SIN3B: variants seen among roughly 807,000 people sequenced by gnomAD.
SIN3B encodes the protein SIN3 transcription regulator family member B.
A neutral mutation model predicts 120.2 loss-of-function variants in SIN3B; 19 were observed. The observed-to-expected ratio is 0.16, with a 90% confidence interval of 0.11 to 0.23. The LOEUF is 0.23. Among genes scored for constraint, SIN3B ranks in the 10% least tolerant of loss-of-function variants. The pLI, the probability that SIN3B is intolerant of heterozygous loss-of-function variation, is 1.00. For synonymous variants in SIN3B, 654 were observed against 653.2 expected (o/e 1.00, Z -0.02); for missense variants, 1,073 against 1,573.0 (o/e 0.68, Z 5.38).
chr19:16,833,039 C>A (rs1971299455), intron 3 of SIN3B, among the ~76,000 whole-genome samples: 1 of 152,168 alleles, frequency 6.6e-6, no homozygotes, highest in Non-Finnish European at 1.5e-5. Flanking sequence ...GTTCTGACAG[C>A]CAGAAATGTC....
At chr19:16,860,808 T>C (rs1173033807) in intron 8 of SIN3B, among the ~76,000 whole-genome samples, 1 of 151,854 alleles carries the variant, frequency 6.6e-6, no homozygotes, top group African/African-American at 2.4e-5. Flanking sequence ...GGTTTCACCG[T>C]GGTCTCGATC....
At chr19:16,835,322 G>T (rs1290978418) in intron 3 of SIN3B, among the ~76,000 whole-genome samples, 1 of 148,692 alleles carries the variant, frequency 6.7e-6, no homozygotes, top group African/African-American at 2.5e-5. Flanking sequence ...TCTGCCTCCC[G>T]GGTTCAAGTG....
intron 12 of SIN3B, among the ~76,000 whole-genome samples, chr19:16,868,244 C>T (rs990863864): frequency 7.9e-5 from 12 of 152,156 alleles, no homozygotes; most frequent in Admixed American, 5.2e-4. Flanking sequence ...CAGGGCTGAG[C>T]GTGCAGACTC....
At position 16,878,878 on chromosome 19, in the gene SIN3B, C is replaced by T. The variant is rs1442030657; in HGVS notation, c.*151C>T. ...CGCACTCCAGGGCAGGACGCCGCCC[C>T]CGTGGCTCCCGGTCTCCTGTGGGCC... On this transcript the variant is annotated 3_prime_UTR_variant, in exon 19 of 19. Coordinates refer to ENST00000248054, the MANE Select transcript of SIN3B (RefSeq NM_001297595.2). 1 of 721,462 alleles carries T rather than the reference C, an allele frequency of 1.4e-6. No homozygotes were observed. The highest frequency in any genetic ancestry group is 2.2e-6 in the Non-Finnish European group (1 of 447,806). The allele number at this position is 721,462 out of a possible 1,614,324, so 44.7% of individuals were successfully genotyped here. A position where few individuals can be genotyped will look rare whatever the true frequency, so the allele number is the denominator to read the frequency against.
intron 13 of SIN3B, 77 bp from the exon 14 acceptor site, chr19:16,871,152 T>A (rs1292253576): frequency 6.3e-7 from 1 of 1,578,916 alleles, no homozygotes; most frequent in Non-Finnish European, 8.7e-7. Flanking sequence ...TTGTTGGGGC[T>A]CTGTCATGCC....
chr19:16,862,901 TCTC>T lies in SIN3B; in HGVS notation c.1266+344_1266+346del, dbSNP rs1238934092. ...CTGTTTAGCTTGACCATTGGACACT[TCTC>T]CAGGGTTCGTGGACAGACGATTACT... On this transcript the variant is annotated intron_variant, in intron 9 of 18. Coordinates refer to ENST00000248054, the MANE Select transcript of SIN3B (RefSeq NM_001297595.2). This position sits in a 1 kb window ranked among gnomAD's most constrained non-coding sequence, Gnocchi z 4.7. The T allele has an allele frequency of 6.2e-7, 1 of 1,614,140 alleles. No individual in the cohort carries two copies. Among genetic ancestry groups the T allele is most frequent in the Admixed American group, 1.7e-5 (1 of 60,026 alleles).
At position 16,876,915 on chromosome 19, in the gene SIN3B, G is replaced by A. The variant is rs2051615988; in HGVS notation, c.2859+337G>A. The A allele has an allele frequency of 3.7e-6, 1 of 268,162 alleles. No individual in the cohort carries two copies. The highest frequency in any genetic ancestry group is 7.0e-5 in the South Asian group (1 of 14,346). 16.6% of individuals were successfully genotyped at this position (268,162 alleles called of 1,614,324 possible). A position where few individuals can be genotyped will look rare whatever the true frequency, so the allele number is the denominator to read the frequency against. On this transcript the variant is annotated intron_variant, in intron 16 of 18. Transcript: ENST00000248054. The surrounding 1 kb of genome is among the most constrained non-coding windows in gnomAD (Gnocchi z 7.1). ...CCTCTGCACCTCTTGTGTCAGGGCT[G>A]CATCCTGTTCCTAATCCCCAGCAGA...
At position 16,877,601 on chromosome 19, in the gene SIN3B, C is replaced by T; in HGVS notation, c.2916C>T (p.Pro972=). ...YVGTEGASSS[P]TEGFLLKPVF... Reference sequence around the variant, plus strand: ...GGACCGAGGGCGCGTCCAGCTCGCCCACTGAGGGCTTCCTCCTGAAACCTG... The same window carrying T: ...GGACCGAGGGCGCGTCCAGCTCGCCTACTGAGGGCTTCCTCCTGAAACCTG... The change falls in exon 17 of 19, where the codon CCC becomes CCT. Residue 972 remains proline, a synonymous_variant. Coordinates refer to ENST00000248054, the MANE Select transcript of SIN3B (RefSeq NM_001297595.2). The T allele has an allele frequency of 1.9e-6, 3 of 1,612,376 alleles. No homozygotes were observed. The South Asian group carries it at 3.3e-5, about 18-fold the overall frequency.
rs57692775 is a variant in SIN3B, at chr19:16,834,374, G to A, written c.381+2727G>A. Among the ~76,000 whole-genome samples the A allele has an allele frequency of 9.8e-3, 1,493 of 152,290 alleles. 21 individuals carry two copies. The highest frequency in any genetic ancestry group is 0.014 in the Non-Finnish European group (975 of 68,030). ...AGAGTCCCTGCCCGTGGAGTAACTC[G>A]GCTTTCAGGGCTAGATCTTGACAGG... On this transcript the variant is annotated intron_variant, in intron 3 of 18. Coordinates refer to ENST00000248054, the MANE Select transcript of SIN3B (RefSeq NM_001297595.2).
intron 14 of SIN3B, among the ~76,000 whole-genome samples, chr19:16,874,454 T>A (rs945698982): frequency 6.6e-6 from 1 of 151,910 alleles, no homozygotes; most frequent in African/African-American, 2.4e-5. Flanking sequence ...TTTGGTCTGG[T>A]CTGGTTTTGG....
At chr19:16,874,807 C>T (rs1393076171) in intron 14 of SIN3B, among the ~76,000 whole-genome samples, 1 of 144,434 alleles carries the variant, frequency 6.9e-6, no homozygotes, top group Admixed American at 6.9e-5. Context: ...TTGGTCTGAT[C>T]TGATCTGGTC....
chr19:16,841,109 AC>A (rs1971411606), intron 3 of SIN3B, among the ~76,000 whole-genome samples: 2 of 152,010 alleles, frequency 1.3e-5, no homozygotes, highest in African/African-American at 4.8e-5. Context: ...TCCCACCACA[AC>A]ATGGGAGGGA....
At chr19:16,851,205 G>A (rs1971540295) in intron 5 of SIN3B, among the ~76,000 whole-genome samples, 1 of 152,186 alleles carries the variant, frequency 6.6e-6, no homozygotes, top group African/African-American at 2.4e-5. Context: ...CTCCCAGCCT[G>A]GCAGTGTTAG....
intron 3 of SIN3B, 129 bp from the exon 4 acceptor site, chr19:16,841,639 C>G (rs1971418026): frequency 2.4e-6 from 2 of 846,558 alleles, no homozygotes; most frequent in African/African-American, 3.4e-5. Flanking sequence ...TAACCTTTCC[C>G]TGTCTCTAAT....
At chr19:16,857,447 A>G (rs1486469692) in intron 8 of SIN3B, among the ~76,000 whole-genome samples, 1 of 151,844 alleles carries the variant, frequency 6.6e-6, no homozygotes, top group African/African-American at 2.4e-5. Flanking sequence ...TTTGTTCTAA[A>G]TGGGAAAAAG....
chr19:16,870,160 T>C, intron 13 of SIN3B, 85 bp downstream of exon 13: 1 of 1,318,046 alleles, frequency 7.6e-7, no homozygotes, highest in East Asian at 2.5e-5. Flanking sequence ...TCCTGTTACT[T>C]TTCTTTCTGG....
rs1189382067 is a variant in SIN3B at position 16,879,784 on chromosome 19, C to G, written c.*1057C>G. The stretch of plus-strand genomic sequence containing the variant: ...TGGAGGCATCCAAGGCTTTCTGTGC[C>G]AAGAATCCCAAGTGACTGGGGCTGG... On this transcript the variant is annotated 3_prime_UTR_variant, in exon 19 of 19. Coordinates refer to ENST00000248054, the MANE Select transcript of SIN3B (RefSeq NM_001297595.2). 1.3e-5 allele frequency: 2 copies of G among 152,400 alleles called. No individual in the cohort carries two copies. Among genetic ancestry groups the G allele is most frequent in the African/African-American group, 4.8e-5 (2 of 41,440 alleles). The allele number at this position is 152,400 out of a possible 1,614,324, so 9.4% of individuals were successfully genotyped here. A position where few individuals can be genotyped will look rare whatever the true frequency, so the allele number is the denominator to read the frequency against.
chr19:16,874,100 C>T (rs2051549412), intron 14 of SIN3B, among the ~76,000 whole-genome samples: 1 of 152,234 alleles, frequency 6.6e-6, no homozygotes, highest in African/African-American at 2.4e-5. Context: ...TGTTTCCATT[C>T]CTTCCTTCTT....
At chr19:16,836,001 C>A (rs1398529967) in intron 3 of SIN3B, among the ~76,000 whole-genome samples, 5 of 152,134 alleles carry the variant, frequency 3.3e-5, no homozygotes, top group African/African-American at 9.7e-5. Context: ...TTTCCCCCCC[C>A]AATTTTATCA....
Sources: gnomAD v4.1 joint callset for allele counts (sites outside exome capture counted in the v4.1 genomes callset) on GRCh38, gnomAD v4.1.1 for gene constraint, Gnocchi (gnomAD v3.1) non-coding constraint, MANE v1.5 for transcripts, NCBI Gene and HGNC (gene_info 2026-07-23, HGNC 2026-07-21) for gene names.